The following CACNA2D2 variants were observed in gnomAD, a reference collection of about 807,000 sequenced individuals.
CACNA2D2 encodes calcium voltage-gated channel auxiliary subunit alpha2delta 2.
In CACNA2D2, 48 loss-of-function variants were observed where a neutral mutation model predicts 166.4. The ratio of observed to expected loss-of-function variants is 0.29; its 90% CI spans 0.23 to 0.37. The LOEUF (loss-of-function observed/expected upper bound fraction) is 0.37, where lower values mean the gene tolerates loss of function less well. Ranked by LOEUF, CACNA2D2 falls within the 10% of genes least tolerant of loss-of-function variation. The probability of loss-of-function intolerance (pLI) is 1.00; values close to 1 mark genes in which losing one functional copy is unlikely to be tolerated. For synonymous variants in CACNA2D2, 561 were observed against 573.7 expected, an observed-to-expected ratio of 0.98 and a Z score of 0.32; for missense variants, 1,122 against 1,433.0, an observed-to-expected ratio of 0.78 and a Z score of 3.50.
At position 50,365,321 on chromosome 3, in the gene CACNA2D2, G is replaced by A. The variant is rs1704186063; in HGVS notation, c.3098+35C>T. 1.3e-6 allele frequency: 2 copies of A among 1,594,558 alleles called. No homozygotes were observed. Among genetic ancestry groups the A allele is most frequent in the African/African-American group, 1.4e-5 (1 of 72,680 alleles). On this transcript the variant is annotated intron_variant, in intron 35 of 37. Transcript: ENST00000424201. The surrounding 1 kb of genome is among the most constrained non-coding windows in gnomAD (Gnocchi z 4.5). ...GCGTCTCGCCCCGCTCACAGGTTCC[G>A]CCCTTGGCCTCTGGTCCCGCCCCAC...
intron 3 of CACNA2D2, among the ~76,000 whole-genome samples, chr3:50,411,407 A>C (rs1226307488): frequency 4.6e-5 from 7 of 152,152 alleles, no homozygotes; most frequent in Admixed American, 4.6e-4. Context: ...TGGCCCCACC[A>C]GAGTGGAGGG....
intron 4 of CACNA2D2, among the ~76,000 whole-genome samples, chr3:50,390,969 TC>T (rs1485877412): frequency 6.6e-6 from 1 of 152,254 alleles, no homozygotes; most frequent in African/African-American, 2.4e-5. Context: ...CGCTTGGCCT[TC>T]CTGCCCTGGC....
At chr3:50,456,791 AG>A (rs762103265) in intron 2 of CACNA2D2, among the ~76,000 whole-genome samples, 71 of 152,202 alleles carry the variant, frequency 4.7e-4, no homozygotes, top group Non-Finnish European at 8.7e-4. Context: ...AGGGAGGGGA[AG>A]GTCATGCATA....
intron 2 of CACNA2D2, among the ~76,000 whole-genome samples, chr3:50,461,354 T>C (rs1382852685): frequency 6.6e-6 from 1 of 152,112 alleles, no homozygotes; most frequent in Non-Finnish European, 1.5e-5. Flanking sequence ...ACCTGAAATC[T>C]CTGTTGAGCG....
intron 2 of CACNA2D2, among the ~76,000 whole-genome samples, chr3:50,471,889 A>T (rs1439226197): frequency 6.6e-6 from 1 of 152,248 alleles, no homozygotes; most frequent in Non-Finnish European, 1.5e-5. Flanking sequence ...TAGATGGAGT[A>T]GGACTGTGCC....
At chr3:50,382,968 G>A (rs368798803) in intron 6 of CACNA2D2, among the ~76,000 whole-genome samples, 8 of 152,226 alleles carry the variant, frequency 5.3e-5, no homozygotes, top group African/African-American at 1.9e-4. Context: ...AGCCCCATGC[G>A]CACAGACCCG....
intron 3 of CACNA2D2, among the ~76,000 whole-genome samples, chr3:50,417,705 A>G (rs1023338386): frequency 6.6e-6 from 1 of 152,078 alleles, no homozygotes; most frequent in African/African-American, 2.4e-5. Flanking sequence ...GGATGTGGGG[A>G]GGGCACCAGC....
chr3:50,390,211 G>C (rs929914307), intron 4 of CACNA2D2, among the ~76,000 whole-genome samples: 3 of 152,324 alleles, frequency 2.0e-5, no homozygotes, highest in Admixed American at 2.0e-4. Context: ...TGGGCAGTGA[G>C]TGAAGACTGA....
intron 2 of CACNA2D2, among the ~76,000 whole-genome samples, chr3:50,465,233 G>A (rs1014173838): frequency 2.6e-4 from 39 of 152,196 alleles, no homozygotes; most frequent in African/African-American, 6.8e-4. Context: ...ACAAATTACT[G>A]GCATAGTAAT....
At chr3:50,369,564 G>A (rs1704539586) in intron 23 of CACNA2D2, among the ~76,000 whole-genome samples, 1 of 152,222 alleles carries the variant, frequency 6.6e-6, no homozygotes, top group African/African-American at 2.4e-5. Context: ...GAGCCCCCGT[G>A]TGCTGCCTTC....
At chr3:50,452,893 C>T (rs980420067) in intron 2 of CACNA2D2, among the ~76,000 whole-genome samples, 3 of 152,202 alleles carry the variant, frequency 2.0e-5, no homozygotes, top group Non-Finnish European at 4.4e-5. Context: ...AATCACTGCA[C>T]TCAAGAACCT....
At chr3:50,430,615 G>A (rs1708019819) in intron 3 of CACNA2D2, among the ~76,000 whole-genome samples, 1 of 152,342 alleles carries the variant, frequency 6.6e-6, no homozygotes, top group Non-Finnish European at 1.5e-5. Context: ...GTAGCCATTG[G>A]CGGATGTTGG....
chr3:50,484,662 C>T (rs1698200971), intron 1 of CACNA2D2, among the ~76,000 whole-genome samples: 1 of 150,634 alleles, frequency 6.6e-6, no homozygotes, highest in Middle Eastern at 3.6e-3. Flanking sequence ...TGAAATTGCA[C>T]CCCCCCCAGC....
In CACNA2D2 at chr3:50,375,797, C is replaced by G. The variant is rs375449776; in HGVS notation, c.1845+12G>C. On this transcript the variant is annotated intron_variant, in intron 20 of 37. Coordinates refer to ENST00000424201, the MANE Select transcript of CACNA2D2 (RefSeq NM_006030.4). The surrounding 1 kb of genome is among the most constrained non-coding windows in gnomAD (Gnocchi z 4.0). ...CACCCTGACTCCCTGGCCCCCAGCC[C>G]TGCCTCCTTACCTCATCCAGGGACT... 14 of 1,612,944 alleles carry G rather than the reference C, an allele frequency of 8.7e-6. No homozygotes were observed. The African/African-American group carries it at 1.9e-4, about 22-fold the overall frequency.
At chr3:50,483,323 G>A (rs1698134398) in intron 1 of CACNA2D2, among the ~76,000 whole-genome samples, 1 of 152,232 alleles carries the variant, frequency 6.6e-6, no homozygotes, top group Admixed American at 6.5e-5. Context: ...AGACCCTGAG[G>A]AGCTGGGGAG....
At chr3:50,403,670 C>T (rs1027015017) in intron 3 of CACNA2D2, among the ~76,000 whole-genome samples, 2 of 152,198 alleles carry the variant, frequency 1.3e-5, no homozygotes, top group African/African-American at 4.8e-5. Flanking sequence ...CCACTCCTCC[C>T]TTCCTAACAT....
intron 2 of CACNA2D2, among the ~76,000 whole-genome samples, chr3:50,463,453 C>T (rs1709682201): frequency 6.6e-6 from 1 of 152,220 alleles, no homozygotes; most frequent in Admixed American, 6.5e-5. Context: ...TGCACGCCAC[C>T]ACGCCCAGCT....
intron 2 of CACNA2D2, among the ~76,000 whole-genome samples, chr3:50,452,792 T>C (rs1709164297): frequency 6.6e-6 from 1 of 152,108 alleles, no homozygotes; most frequent in Admixed American, 6.5e-5. Flanking sequence ...GGGGTTATAG[T>C]TTCAATCCCA....
At chr3:50,493,856 G>A (rs1270036986) in intron 1 of CACNA2D2, among the ~76,000 whole-genome samples, 2 of 152,184 alleles carry the variant, frequency 1.3e-5, no homozygotes, top group East Asian at 3.9e-4. Context: ...CCAGGGCCCT[G>A]GGCGAAGCCA....
Sources: allele counts gnomAD v4.1 joint callset (sites outside exome capture counted in the v4.1 genomes callset), GRCh38; gene constraint gnomAD v4.1.1; non-coding constraint Gnocchi (gnomAD v3.1); transcripts MANE v1.5; gene names NCBI Gene and HGNC (gene_info 2026-07-23, HGNC 2026-07-21).